Variants in GUCY1A2 observed in about 807,000 individuals in gnomAD.
The protein encoded by GUCY1A2 is guanylate cyclase 1 soluble subunit alpha 2.
In GUCY1A2, 27 loss-of-function variants were observed where a neutral mutation model predicts 63.5. The ratio of observed to expected loss-of-function variants is 0.43; its 90% confidence interval spans 0.31 to 0.59. The LOEUF is 0.59. GUCY1A2 is among the 20% of genes least tolerant of loss of function. The pLI is 0.11. For synonymous variants in GUCY1A2, 364 were observed against 343.5 expected, an observed-to-expected ratio of 1.06 and a Z score of -0.66; for missense variants, 768 against 913.3, an observed-to-expected ratio of 0.84 and a Z score of 2.05.
chr11:106,891,489 A>G (rs1859973776), intron 4 of GUCY1A2, among the ~76,000 whole-genome samples: 1 of 152,076 alleles, frequency 6.6e-6, no homozygotes, highest in South Asian at 2.1e-4. Flanking sequence ...TGTGCCTACT[A>G]TATTCTGTTA....
intron 6 of GUCY1A2, among the ~76,000 whole-genome samples, chr11:106,773,416 TATCTATCCTACTGTTGATGG>T (rs1243021277): frequency 6.6e-6 from 1 of 152,206 alleles, no homozygotes; most frequent in Non-Finnish European, 1.5e-5. Context: ...TAACACAGTT[TATCTATCCTACTGTTGATGG>T]ATATTTGAAT....
At chr11:106,785,294 C>T (rs991239462) in intron 5 of GUCY1A2, among the ~76,000 whole-genome samples, 5 of 152,070 alleles carry the variant, frequency 3.3e-5, no homozygotes, top group East Asian at 1.9e-4. Context: ...TTTTTCAGGG[C>T]ACATCCCAAA....
intron 1 of GUCY1A2, among the ~76,000 whole-genome samples, chr11:106,986,473 A>G (rs1489639312): frequency 6.6e-6 from 1 of 152,168 alleles, no homozygotes; most frequent in Non-Finnish European, 1.5e-5. Context: ...CTGCAGAAAC[A>G]TGAGTCACGG....
rs945499727 is a variant in GUCY1A2 at position 106,681,075 on chromosome 11, A to C, written c.*6474T>G. ...ATTCTATTAAAATTGTATTTTAAGT[A>C]GACTAAAAACATGATTTTTTCATTT... On this transcript the variant is annotated 3_prime_UTR_variant, in exon 8 of 8. Transcript: ENST00000526355. 2 of 208,802 alleles carry C rather than the reference A, an allele frequency of 9.6e-6. No homozygotes were observed. Among genetic ancestry groups the C allele is most frequent in the Non-Finnish European group, 2.0e-5 (2 of 102,534 alleles). 12.9% of individuals were successfully genotyped at this position (208,802 alleles called of 1,614,324 possible).
chr11:106,946,102 G>A (rs928473092), intron 3 of GUCY1A2, among the ~76,000 whole-genome samples: 14 of 152,310 alleles, frequency 9.2e-5, no homozygotes, highest in African/African-American at 3.1e-4. Flanking sequence ...GAGGAGAGGG[G>A]AGAAGGTAGA....
At chr11:106,825,068 T>C (rs1480631207) in intron 4 of GUCY1A2, 7 of 711,252 alleles carry the variant, frequency 9.8e-6, no homozygotes, top group Non-Finnish European at 1.4e-5. Context: ...TTTATATGTA[T>C]GGATCTATAT....
chr11:106,714,250 GA>G (rs1863178655), intron 6 of GUCY1A2, among the ~76,000 whole-genome samples: 1 of 151,882 alleles, frequency 6.6e-6, no homozygotes, highest in Non-Finnish European at 1.5e-5. Context: ...TTGTCTCTTA[GA>G]AAACTATCTA....
At chr11:106,933,305 CAAAAT>C (rs1254145858) in intron 4 of GUCY1A2, among the ~76,000 whole-genome samples, 4 of 151,868 alleles carry the variant, frequency 2.6e-5, no homozygotes, top group African/African-American at 9.7e-5. Context: ...AGACATTTCT[CAAAAT>C]AAAACATAAA....
intron 6 of GUCY1A2, among the ~76,000 whole-genome samples, chr11:106,750,416 T>G (rs781079981): frequency 2.0e-5 from 3 of 151,980 alleles, no homozygotes; most frequent in Non-Finnish European, 4.4e-5. Context: ...CCAGAAACAA[T>G]GCTTCACCAG....
intron 6 of GUCY1A2, among the ~76,000 whole-genome samples, chr11:106,748,715 A>C (rs1326398448): frequency 1.3e-5 from 2 of 152,212 alleles, no homozygotes; most frequent in African/African-American, 4.8e-5. Flanking sequence ...CTTAGGTTAC[A>C]TGATTTCCAT....
At chr11:106,958,101 C>T (rs1861013767) in intron 3 of GUCY1A2, among the ~76,000 whole-genome samples, 1 of 152,112 alleles carries the variant, frequency 6.6e-6, no homozygotes, top group South Asian at 2.1e-4. Context: ...AGCATTTTTA[C>T]AGCATTCACA....
intron 4 of GUCY1A2, among the ~76,000 whole-genome samples, chr11:106,932,223 A>G (rs1459925739): frequency 6.6e-6 from 1 of 152,144 alleles, no homozygotes; most frequent in African/African-American, 2.4e-5. Context: ...CAGGGCTACA[A>G]TATTTCTTGT....
intron 6 of GUCY1A2, among the ~76,000 whole-genome samples, chr11:106,729,359 G>A (rs192066016): frequency 1.1e-4 from 17 of 152,154 alleles, no homozygotes; most frequent in Non-Finnish European, 2.2e-4. Context: ...ACCTGTTTGT[G>A]TAAAAAGCAT....
chr11:106,737,574 G>A (rs758133270), intron 6 of GUCY1A2, among the ~76,000 whole-genome samples: 9 of 152,006 alleles, frequency 5.9e-5, no homozygotes, highest in African/African-American at 9.7e-5. Flanking sequence ...AACAGGCACC[G>A]GTGTGTGATG....
At chr11:106,936,765 C>T (rs568385079) in intron 4 of GUCY1A2, 2 of 928,730 alleles carry the variant, frequency 2.2e-6, no homozygotes, top group South Asian at 1.5e-5. Flanking sequence ...ATTAAATGCA[C>T]AAACAAAACA....
At chr11:106,857,223 G>A (rs10890612) in intron 4 of GUCY1A2, among the ~76,000 whole-genome samples, 46,081 of 151,954 alleles carry the variant, frequency 0.3, 7,287 homozygotes, top group Non-Finnish European at 0.34. Flanking sequence ...TGCCAGAAGG[G>A]TCGAGTTCCT....
Position 106,820,097 on chromosome 11 carries a change from CTTAT to C in GUCY1A2, c.1207-9623_1207-9620del, listed in dbSNP as rs532609861. On this transcript the variant is annotated intron_variant, in intron 4 of 7. Transcript: ENST00000526355. ...TTTCCTTGCTTATTTGTTTTCCTTG[CTTAT>C]TTGTTTAATCATTCGATGTGTATGT... Among the ~76,000 whole-genome samples, 399 of 152,148 alleles carry C rather than the reference CTTAT, an allele frequency of 2.6e-3. 1 individual carries two copies. The highest frequency in any genetic ancestry group is 9.2e-3 in the African/African-American group (381 of 41,516).
At chr11:106,740,109 C>T (rs981372963) in intron 6 of GUCY1A2, among the ~76,000 whole-genome samples, 2 of 151,628 alleles carry the variant, frequency 1.3e-5, no homozygotes, top group African/African-American at 4.9e-5. Flanking sequence ...AGTGATTCTC[C>T]TGCCTCAGCC....
At chr11:106,876,630 C>A (rs184509934) in intron 4 of GUCY1A2, among the ~76,000 whole-genome samples, 81 of 152,132 alleles carry the variant, frequency 5.3e-4, no homozygotes, top group Non-Finnish European at 8.8e-5. Context: ...TTGGAATGTT[C>A]GCTAGTATTA....
Sources: allele counts gnomAD v4.1 joint callset (sites outside exome capture counted in the v4.1 genomes callset), GRCh38; gene constraint gnomAD v4.1.1; transcripts MANE v1.5; gene names NCBI Gene and HGNC (gene_info 2026-07-23, HGNC 2026-07-21).